The following FRMPD2 variants were observed in gnomAD, a reference collection of about 807,000 sequenced individuals.
FRMPD2 encodes the protein FERM and PDZ domain containing 2.
A neutral mutation model predicts 140.1 loss-of-function variants in FRMPD2; 96 were observed. The observed-to-expected ratio is 0.69, with a 90% CI of 0.58 to 0.81. FRMPD2 has a LOEUF of 0.81. Ranked by LOEUF, FRMPD2 falls within the 40% of genes least tolerant of loss-of-function variation. The probability of loss-of-function intolerance (pLI) is 0.00; values close to 1 mark genes in which losing one functional copy is unlikely to be tolerated. For missense variants in FRMPD2, 1,240 were observed against 1,447.4 expected, an observed-to-expected ratio of 0.86 and a Z score of 2.32; for synonymous variants, 449 against 547.6, an observed-to-expected ratio of 0.82 and a Z score of 2.52.
chr10:48,157,944 T>C (rs1483240300), intron 28 of FRMPD2, among the ~76,000 whole-genome samples: 1 of 145,314 alleles, frequency 6.9e-6, no homozygotes, highest in Non-Finnish European at 1.5e-5. Flanking sequence ...CCCCCTTCCC[T>C]CCGTTCTGAG....
chr10:48,188,184 C>T (rs1838737577), intron 16 of FRMPD2, among the ~76,000 whole-genome samples: 2 of 152,288 alleles, frequency 1.3e-5, no homozygotes, highest in South Asian at 4.1e-4. Flanking sequence ...ACAGCAATCT[C>T]ACAGCTTCAA....
intron 1 of FRMPD2, among the ~76,000 whole-genome samples, chr10:48,259,553 T>G (rs1564442738): frequency 6.6e-6 from 1 of 152,184 alleles, no homozygotes; most frequent in Non-Finnish European, 1.5e-5. Flanking sequence ...TCACATGATG[T>G]TTGATTAATA....
In FRMPD2 at chr10:48,209,013, T is replaced by A. The variant is rs374787563; in HGVS notation, c.1612-2080A>T. Reference sequence around the variant, plus strand: ...TACCCTAAGAAAATATGCTGAATAATCAGGACAACCCCTTCTCATAATGCT... The same window carrying A: ...TACCCTAAGAAAATATGCTGAATAAACAGGACAACCCCTTCTCATAATGCT... On this transcript the variant is annotated intron_variant, in intron 13 of 28. Coordinates refer to ENST00000374201, the MANE Select transcript of FRMPD2 (RefSeq NM_001018071.4). 9.8e-5 allele frequency among the ~76,000 whole-genome samples: 15 copies of A among 152,334 alleles called. 1 individual carries two copies. In the South Asian group the frequency reaches 1.5e-3, roughly 15 times the overall value.
At chr10:48,193,773 G>A (rs1838893606) in intron 15 of FRMPD2, among the ~76,000 whole-genome samples, 1 of 152,158 alleles carries the variant, frequency 6.6e-6, no homozygotes, top group South Asian at 2.1e-4. Flanking sequence ...GTGTGCACAT[G>A]CACTTCTAGA....
At chr10:48,244,385 A>T (rs979378869) in intron 4 of FRMPD2, among the ~76,000 whole-genome samples, 1 of 152,240 alleles carries the variant, frequency 6.6e-6, no homozygotes, top group Non-Finnish European at 1.5e-5. Context: ...GCATTTACCC[A>T]AATCTATTGA....
At position 48,223,140 on chromosome 10, in the gene FRMPD2, G is replaced by C. The variant is rs756991629; in HGVS notation, c.1299C>G (p.Ser433Arg). 6.2e-7 allele frequency: 1 copy of C among 1,613,796 alleles called. No individual in the cohort carries two copies. Among genetic ancestry groups the C allele is most frequent in the Non-Finnish European group, 8.5e-7 (1 of 1,179,800 alleles). Residue 433 changes from serine (S) to arginine (R), a missense_variant, in exon 11 of 29, where the codon AGC becomes AGG. Transcript: ENST00000374201. ...TLFLRIKFFV[S>R]HYGLLQHSLT... is the part of the protein sequence containing the mutation. ...GCACTCACTGGAGCAGCCCATAGTGGCTGACAAAGAACTTTATCCTCAGGA... is the reference window on the plus strand; with the variant it reads ...GCACTCACTGGAGCAGCCCATAGTGCCTGACAAAGAACTTTATCCTCAGGA...
chr10:48,230,311 C>G (rs1839821899), intron 10 of FRMPD2, among the ~76,000 whole-genome samples: 1 of 152,120 alleles, frequency 6.6e-6, no homozygotes, highest in African/African-American at 2.4e-5. Context: ...AAAATATGCT[C>G]TCTTTATAAC....
intron 1 of FRMPD2, among the ~76,000 whole-genome samples, chr10:48,267,606 ACTC>A (rs1273509971): frequency 6.6e-6 from 1 of 152,194 alleles, no homozygotes; most frequent in Non-Finnish European, 1.5e-5. Context: ...TACATGAAGA[ACTC>A]CTACAATTCC....
chr10:48,157,448 G>C, intron 28 of FRMPD2, 78 bp from the exon 29 acceptor site: 1 of 921,210 alleles, frequency 1.1e-6, no homozygotes, highest in Non-Finnish European at 1.8e-6. Context: ...CAAATCAATG[G>C]GTTGGCTTTA....
intron 22 of FRMPD2, among the ~76,000 whole-genome samples, chr10:48,176,966 A>G (rs1215537778): frequency 6.6e-6 from 1 of 152,076 alleles, no homozygotes; most frequent in African/African-American, 2.4e-5. Context: ...ATATCTCTTG[A>G]ATTTCCTCTG....
At chr10:48,229,990 G>C (rs143146383) in intron 10 of FRMPD2, among the ~76,000 whole-genome samples, 2 of 152,250 alleles carry the variant, frequency 1.3e-5, no homozygotes, top group East Asian at 3.9e-4. Context: ...CAGAGTTTGT[G>C]AAACTGCTAA....
intron 1 of FRMPD2, among the ~76,000 whole-genome samples, chr10:48,271,701 T>C (rs1160449412): frequency 1.3e-5 from 2 of 152,162 alleles, no homozygotes; most frequent in Non-Finnish European, 2.9e-5. Flanking sequence ...GCCTGAGGAA[T>C]AGGAATCAGC....
chr10:48,263,097 TA>T (rs1256619309), intron 1 of FRMPD2, among the ~76,000 whole-genome samples: 1 of 152,006 alleles, frequency 6.6e-6, no homozygotes, highest in Admixed American at 6.6e-5. Context: ...CAAGATAAAA[TA>T]AAAAATATTT....
intron 10 of FRMPD2, among the ~76,000 whole-genome samples, chr10:48,229,344 G>C (rs1383871431): frequency 6.6e-6 from 1 of 152,072 alleles, no homozygotes; most frequent in African/African-American, 2.4e-5. Flanking sequence ...ATTTTACAGT[G>C]ACCAGTGATT....
At chr10:48,179,399 T>C (rs1168274822) in intron 21 of FRMPD2, among the ~76,000 whole-genome samples, 1 of 149,916 alleles carries the variant, frequency 6.7e-6, no homozygotes, top group African/African-American at 2.5e-5. Flanking sequence ...TCTGGAAAAA[T>C]GGAGCATCTT....
intron 20 of FRMPD2, 78 bp downstream of exon 20, chr10:48,184,488 G>A: frequency 2.3e-6 from 2 of 887,482 alleles, no homozygotes. Flanking sequence ...GGACTTCAAG[G>A]TCTAGTACCT....
intron 1 of FRMPD2, among the ~76,000 whole-genome samples, chr10:48,261,864 T>C (rs997122208): frequency 6.6e-6 from 1 of 152,168 alleles, no homozygotes; most frequent in African/African-American, 2.4e-5. Flanking sequence ...CTGTAATATG[T>C]ACCTGTACTA....
At chr10:48,226,809 G>C (rs74133718) in intron 10 of FRMPD2, among the ~76,000 whole-genome samples, 4,974 of 152,264 alleles carry the variant, frequency 0.033, 247 homozygotes, top group African/African-American at 0.1. Flanking sequence ...TCTTATGGGG[G>C]CTCCCATGCC....
intron 1 of FRMPD2, among the ~76,000 whole-genome samples, chr10:48,253,066 C>CA (rs776940633): frequency 6.6e-6 from 1 of 152,080 alleles, no homozygotes; most frequent in South Asian, 2.1e-4. Flanking sequence ...GATTCTTATA[C>CA]AAAAAATCTC....
Sources: allele counts gnomAD v4.1 joint callset (sites outside exome capture counted in the v4.1 genomes callset), GRCh38; gene constraint gnomAD v4.1.1; transcripts MANE v1.5; gene names NCBI Gene and HGNC (gene_info 2026-07-23, HGNC 2026-07-21).